Variants in RTTN observed in about 807,000 individuals in gnomAD.
RTTN encodes the protein rotatin.
In RTTN, 182 loss-of-function variants were observed where a neutral mutation model predicts 269.2. The observed-to-expected ratio is 0.68, with a 90% CI of 0.60 to 0.76. The LOEUF (loss-of-function observed/expected upper bound fraction) is 0.76. RTTN is among the 30% of genes least tolerant of loss of function. RTTN has a pLI of 0.00. For missense variants in RTTN, 2,545 were observed against 2,608.6 expected (o/e 0.98, Z 0.53); for synonymous variants, 1,006 against 963.5 (o/e 1.04, Z -0.82).
In RTTN at chr18:70,197,725, T is replaced by A. The variant is rs748797114; in HGVS notation, c.592A>T (p.Ser198Cys). The change falls in exon 6 of 49, where the codon AGT (serine) becomes TGT (cysteine). Residue 198 changes from serine to cysteine, a missense_variant. Transcript: ENST00000640769. ...LSSNESSLRS[S>C]NHTLIWNTCE... ...GTGTTCCAGATTAAAGTGTGGTTAC[T>A]ACTTCTTAAAGAGCTACAAAACATA... 6.3e-7 allele frequency: 1 copy of A among 1,598,438 alleles called. No homozygotes were observed. Among genetic ancestry groups the A allele is most frequent in the Non-Finnish European group, 8.6e-7 (1 of 1,165,806 alleles).
In RTTN at chr18:70,060,019, G is replaced by A. The variant is rs773312073; in HGVS notation, c.4771C>T (p.Arg1591Trp). 2.0e-5 allele frequency: 32 copies of A among 1,611,934 alleles called. No individual in the cohort carries two copies. The highest frequency in any genetic ancestry group is 5.5e-5 in the South Asian group (5 of 90,712). The change falls in exon 36 of 49, where the codon CGG (arginine) becomes TGG (tryptophan). Residue 1591 changes from arginine (R) to tryptophan (W), a missense_variant. Physicochemically the swap from Arg to Trp is moderately radical, Grantham distance 101. Transcript: ENST00000640769. ...AQGHQESTSP[R>W]PPHDSSLSAP... Reference sequence around the variant, plus strand: ...GAAAGAGATGAATCATGAGGTGGCCGTGGTGATGTACTTTCCTGGTGACCT... The same window carrying A: ...GAAAGAGATGAATCATGAGGTGGCCATGGTGATGTACTTTCCTGGTGACCT...
intron 10 of RTTN, among the ~76,000 whole-genome samples, chr18:70,178,962 A>T (rs2061361795): frequency 6.6e-6 from 1 of 152,164 alleles, no homozygotes; most frequent in Non-Finnish European, 1.5e-5. Flanking sequence ...CATAATTAAA[A>T]TTAATAGACA....
At chr18:70,027,466 T>A (rs989303811) in intron 43 of RTTN, among the ~76,000 whole-genome samples, 1 of 152,244 alleles carries the variant, frequency 6.6e-6, no homozygotes, top group East Asian at 1.9e-4. Context: ...CACACTTTTG[T>A]AAATGGCTAA....
At chr18:70,149,943 A>G (rs773548470) in intron 16 of RTTN, 28 bp downstream of exon 16, 7 of 1,399,400 alleles carry the variant, frequency 5.0e-6, no homozygotes, top group Non-Finnish European at 6.1e-6. Context: ...GATAAATGGT[A>G]TCATAAAAAG....
rs547999594 is a variant in RTTN, at chr18:70,197,250, G to T, written c.693+374C>A. Reference sequence around the variant, plus strand: ...AAAGAATCCATCTGCGTTACTCACCGCTACTGTATTTTCCCAGCATGTAGC... The same window carrying T: ...AAAGAATCCATCTGCGTTACTCACCTCTACTGTATTTTCCCAGCATGTAGC... On this transcript the variant is annotated intron_variant, in intron 6 of 48. Transcript: ENST00000640769. 4.9e-4 allele frequency among the ~76,000 whole-genome samples: 74 copies of T among 152,272 alleles called. 1 individual carries two copies. Among genetic ancestry groups the T allele is most frequent in the Admixed American group, 1.1e-3 (17 of 15,296 alleles).
In RTTN at chr18:70,205,677, A is replaced by T. The variant is rs77804861; in HGVS notation, c.-19T>A. The T allele has an allele frequency of 6.2e-7, 1 of 1,614,010 alleles. No individual in the cohort carries two copies. On this transcript the variant is annotated 5_prime_UTR_variant, in exon 1 of 49. Coordinates refer to ENST00000640769, the MANE Select transcript of RTTN (RefSeq NM_173630.4). The stretch of plus-strand genomic sequence containing the variant: ...GGACCATCTCGTCCCGTCAATCTGC[A>T]GCCGCCGGAGAATTAAACTGCCGCG...
chr18:70,186,839 A>AGG (rs1382281610), intron 10 of RTTN, among the ~76,000 whole-genome samples: 1 of 152,174 alleles, frequency 6.6e-6, no homozygotes, highest in African/African-American at 2.4e-5. Flanking sequence ...GGACCCAAAG[A>AGG]GGGGAATAAC....
intron 25 of RTTN, among the ~76,000 whole-genome samples, chr18:70,122,349 T>TA (rs1373932926): frequency 2.0e-5 from 3 of 152,112 alleles, no homozygotes; most frequent in African/African-American, 4.8e-5. Flanking sequence ...TCGTTTTTTT[T>TA]AAAAAGCAAT....
intron 28 of RTTN, among the ~76,000 whole-genome samples, chr18:70,093,920 C>A (rs2058923815): frequency 6.6e-6 from 1 of 152,012 alleles, no homozygotes; most frequent in South Asian, 2.1e-4. Flanking sequence ...GCTATGAATC[C>A]CTCTGGTCCT....
At chr18:70,125,664 C>T (rs1207213415) in intron 25 of RTTN, among the ~76,000 whole-genome samples, 1 of 151,928 alleles carries the variant, frequency 6.6e-6, no homozygotes, top group Non-Finnish European at 1.5e-5. Flanking sequence ...TTAAACTAAG[C>T]TTATAAAAAT....
intron 28 of RTTN, among the ~76,000 whole-genome samples, chr18:70,093,560 CAT>C (rs1485814386): frequency 1.3e-5 from 2 of 152,152 alleles, no homozygotes; most frequent in Admixed American, 6.5e-5. Flanking sequence ...TTGAGATAAT[CAT>C]GTGGTTTTTC....
rs1452244060 is a variant in RTTN, at chr18:70,201,786, T to C, written c.487+108A>G. 1.5e-5 allele frequency: 10 copies of C among 655,480 alleles called. No homozygotes were observed. The African/African-American group carries it at 1.6e-4, about 11-fold the overall frequency. The allele number at this position is 655,480 out of a possible 1,614,324, so 40.6% of individuals were successfully genotyped here. A position where few individuals can be genotyped will look rare whatever the true frequency, so the allele number is the denominator to read the frequency against. On this transcript the variant is annotated intron_variant, in intron 4 of 48. Transcript: ENST00000640769. Reference sequence around the variant, plus strand: ...ACTAAAACATTTAATGATAGTTTGGTGCTGAAACATTCAAGTTTGGTAAAA... The same window carrying C: ...ACTAAAACATTTAATGATAGTTTGGCGCTGAAACATTCAAGTTTGGTAAAA...
At chr18:70,088,195 T>A (rs769394140) in intron 30 of RTTN, 48 bp from the exon 31 acceptor site, 6 of 1,519,598 alleles carry the variant, frequency 3.9e-6, no homozygotes, top group Middle Eastern at 1.8e-4. Flanking sequence ...GCCTTTTTCC[T>A]AACATGAATT....
In RTTN at chr18:70,163,069, T is replaced by TAAAAAAAAAAAAAA. The variant is rs10559303; in HGVS notation, c.1929+2979_1929+2992dup. On this transcript the variant is annotated intron_variant, in intron 14 of 48. Transcript: ENST00000640769. Reference sequence around the variant, plus strand: ...CACCCATTAGGATGGTTACTATTATTAAAAAAAAAAAAAAAAAAAAAAAAA... The same window carrying TAAAAAAAAAAAAAA: ...CACCCATTAGGATGGTTACTATTATTAAAAAAAAAAAAAAAAAAAAAAAAAAAAAAAAAAAAAAA... Among the ~76,000 whole-genome samples the TAAAAAAAAAAAAAA allele has an allele frequency of 5.4e-4, 31 of 56,984 alleles. 2 individuals are homozygous for TAAAAAAAAAAAAAA. Among genetic ancestry groups the TAAAAAAAAAAAAAA allele is most frequent in the African/African-American group, 2.0e-3 (28 of 14,168 alleles). The allele number at this position is 56,984 out of a possible 152,430, so 37.4% of individuals were successfully genotyped here.
Position 70,017,419 on chromosome 18 carries a change from T to C in RTTN, c.6409A>G (p.Ile2137Val), listed in dbSNP as rs794727682. The C allele has an allele frequency of 6.2e-7, 1 of 1,613,834 alleles. No individual in the cohort carries two copies. Among genetic ancestry groups the C allele is most frequent in the African/African-American group, 1.3e-5 (1 of 75,010 alleles). ...VCFSPANKPK[I>V]LANEKVITVL... is the part of the protein sequence containing the mutation. Reference sequence around the variant, plus strand: ...TGTGAAAACTTACCATTAGCCAGGATCTTGGGTTTATTTGCAGGACTGAAG... The same window carrying C: ...TGTGAAAACTTACCATTAGCCAGGACCTTGGGTTTATTTGCAGGACTGAAG... Residue 2137 changes from isoleucine (I) to valine (V), a missense_variant, in exon 46 of 49, where the codon ATC becomes GTC. Physicochemically the swap from Ile to Val is conservative, Grantham distance 29 (BLOSUM62 3). Transcript: ENST00000640769.
At chr18:70,175,811 T>C (rs1268953883) in intron 11 of RTTN, among the ~76,000 whole-genome samples, 1 of 152,112 alleles carries the variant, frequency 6.6e-6, no homozygotes, top group African/African-American at 2.4e-5. Flanking sequence ...AAAGGTTCCA[T>C]GACATTAAGA....
At chr18:70,100,086 C>A (rs558934964) in intron 28 of RTTN, among the ~76,000 whole-genome samples, 345 of 152,272 alleles carry the variant, frequency 2.3e-3, no homozygotes, top group Non-Finnish European at 4.3e-3. Context: ...TCCATTTGAA[C>A]TTTAAAGTAG....
intron 14 of RTTN, among the ~76,000 whole-genome samples, chr18:70,158,678 C>T (rs563282486): frequency 3.3e-5 from 5 of 152,256 alleles, no homozygotes; most frequent in African/African-American, 1.2e-4. Flanking sequence ...CAAGACCCAA[C>T]TATATGCTGT....
chr18:70,153,180 C>T (rs1209943948), intron 14 of RTTN, among the ~76,000 whole-genome samples: 1 of 151,934 alleles, frequency 6.6e-6, no homozygotes, highest in Non-Finnish European at 1.5e-5. Flanking sequence ...ATTGTCTTTA[C>T]AACACTATTT....
Sources: allele counts gnomAD v4.1 joint callset (sites outside exome capture counted in the v4.1 genomes callset), GRCh38; gene constraint gnomAD v4.1.1; transcripts MANE v1.5; gene names NCBI Gene and HGNC (gene_info 2026-07-23, HGNC 2026-07-21).